Variants in FARP2 observed in about 807,000 individuals in gnomAD.
FARP2 encodes FERM, ARH/RhoGEF and pleckstrin domain protein 2, also known as FERM, ARHGEF and pleckstrin domain-containing protein 2.
In FARP2, 111 loss-of-function variants were observed where a neutral mutation model predicts 130.5. The ratio of observed to expected loss-of-function variants is 0.85; its 90% CI spans 0.73 to 1.00. The LOEUF (loss-of-function observed/expected upper bound fraction) is 1.00, where lower values mean the gene tolerates loss of function less well. Ranked by LOEUF, FARP2 falls within the 50% of genes least tolerant of loss-of-function variation. The pLI is 0.00. For synonymous variants in FARP2, 504 were observed against 516.9 expected (o/e 0.98, Z 0.34); for missense variants, 1,385 against 1,346.3 (o/e 1.03, Z -0.45).
chr2:241,493,809 C>A, intron 26 of FARP2, 199 bp from the exon 27 acceptor site: 1 of 510,162 alleles, frequency 2.0e-6, no homozygotes, highest in Non-Finnish European at 3.5e-6. Flanking sequence ...GTTGGCCAGG[C>A]TGGTCTCGAA....
At chr2:241,376,134 C>T (rs2061531034) in intron 2 of FARP2, among the ~76,000 whole-genome samples, 1 of 152,148 alleles carries the variant, frequency 6.6e-6, no homozygotes, top group South Asian at 2.1e-4. Context: ...GCCTTACCCA[C>T]ACATTTGGCA....
rs182823798 is a variant in FARP2 at position 241,421,203 on chromosome 2, A to G, written c.771+3094A>G. On this transcript the variant is annotated intron_variant, in intron 8 of 26. Coordinates refer to ENST00000264042, the MANE Select transcript of FARP2 (RefSeq NM_014808.4). ...GGAGATCTCCTCATGAGCCCATGCC[A>G]CTAGGACCTTGGGTCCAATACACAG... is the stretch of plus-strand genomic sequence containing the variant. Among the ~76,000 whole-genome samples the G allele has an allele frequency of 3.2e-3, 490 of 152,304 alleles. 1 individual carries two copies. Among genetic ancestry groups the G allele is most frequent in the Middle Eastern group, 0.031 (9 of 294 alleles).
chr2:241,382,695 A>C (rs1177620176), intron 2 of FARP2, among the ~76,000 whole-genome samples: 1 of 152,204 alleles, frequency 6.6e-6, no homozygotes, highest in African/African-American at 2.4e-5. Flanking sequence ...ACATGTTGTG[A>C]AATTGTATTC....
At position 241,375,242 on chromosome 2, in the gene FARP2, C is replaced by T. The variant is rs184034182; in HGVS notation, c.183+1952C>T. ...CTGGAATTACAGGTGTGAGCCACCG[C>T]GCCCAGCCCCAAATCTTTTCAATCA... On this transcript the variant is annotated intron_variant, in intron 2 of 26. Transcript: ENST00000264042. 8.2e-4 allele frequency among the ~76,000 whole-genome samples: 125 copies of T among 152,114 alleles called. 1 individual carries two copies. The highest frequency in any genetic ancestry group is 2.8e-3 in the African/African-American group (115 of 41,490).
chr2:241,489,901 C>A, intron 21 of FARP2, 61 bp from the exon 22 acceptor site: 1 of 1,176,682 alleles, frequency 8.5e-7, no homozygotes, highest in South Asian at 1.2e-5. Flanking sequence ...GTGTCCTGCT[C>A]AGGCTTAGGC....
At chr2:241,436,253 G>A (rs545514192) in intron 11 of FARP2, among the ~76,000 whole-genome samples, 39 of 152,214 alleles carry the variant, frequency 2.6e-4, no homozygotes, top group Admixed American at 7.2e-4. Context: ...TTCTCCGCAC[G>A]TGGAATTTTT....
At chr2:241,462,816 A>C (rs927634432) in intron 15 of FARP2, among the ~76,000 whole-genome samples, 1 of 151,562 alleles carries the variant, frequency 6.6e-6, no homozygotes, top group African/African-American at 2.4e-5. Context: ...CAGCCTCCCT[A>C]GTAGCTAGGA....
chr2:241,411,021 A>G lies in FARP2; in HGVS notation c.411-12A>G, dbSNP rs1360194090. The G allele has an allele frequency of 6.4e-7, 1 of 1,561,252 alleles. No individual in the cohort carries two copies. The highest frequency in any genetic ancestry group is 8.8e-7 in the Non-Finnish European group (1 of 1,136,700). ...GGAATTGATCTCTGTCTTATTTTGA[A>G]CTCTCTTCTAGATACTTGTTTGCCT... On this transcript the variant is annotated splice_polypyrimidine_tract_variant and intron_variant, in intron 5 of 26. Transcript: ENST00000264042.
intron 5 of FARP2, 30 bp downstream of exon 5, chr2:241,407,645 T>A (rs1167267201): frequency 1.3e-6 from 2 of 1,541,402 alleles, no homozygotes; most frequent in Non-Finnish European, 1.8e-6. Flanking sequence ...GAAGCTGTTG[T>A]CAGCAGGAAT....
chr2:241,399,162 CTTG>C (rs2062099932), intron 2 of FARP2, among the ~76,000 whole-genome samples: 1 of 152,088 alleles, frequency 6.6e-6, no homozygotes, highest in Non-Finnish European at 1.5e-5. Context: ...TCCAACTTTT[CTTG>C]TTGTTTATTG....
Position 241,441,510 on chromosome 2 carries a change from A to G in FARP2, c.1365A>G (p.Thr455=), listed in dbSNP as rs530177823. 8 of 1,613,918 alleles carry G rather than the reference A, an allele frequency of 5.0e-6. No homozygotes were observed. In the African/African-American group the frequency reaches 1.1e-4, roughly 22 times the overall value. Residue 455 remains threonine, a synonymous_variant, in exon 13 of 27, where the codon ACA becomes ACG. Transcript: ENST00000264042. ...GAGCAGTGGCTGGAGGCCCCGACAC[A>G]CCATCGGCCCAGCCCCTCGGGCCCC... ...RSGAVAGGPD[T]PSAQPLGPPA...
chr2:241,489,152 G>A (rs1298910062), intron 21 of FARP2: 1 of 152,202 alleles, frequency 6.6e-6, no homozygotes, highest in African/African-American at 2.4e-5. Flanking sequence ...TCCAGTGAGA[G>A]GCTTGGTTGG....
chr2:241,462,984 G>A (rs571834840), intron 15 of FARP2, among the ~76,000 whole-genome samples: 3 of 152,218 alleles, frequency 2.0e-5, no homozygotes, highest in South Asian at 2.1e-4. Context: ...ATGAGCCACC[G>A]CCCAGCCAAG....
At chr2:241,409,034 TAGATGATA>T (rs2150358551) in intron 5 of FARP2, among the ~76,000 whole-genome samples, 1 of 128,704 alleles carries the variant, frequency 7.8e-6, no homozygotes, top group African/African-American at 3.0e-5. Flanking sequence ...GATAGATAGA[TAGATGATA>T]GATAGATAGA....
intron 1 of FARP2, among the ~76,000 whole-genome samples, chr2:241,359,693 G>C (rs1279812408): frequency 6.6e-6 from 1 of 152,168 alleles, no homozygotes; most frequent in Non-Finnish European, 1.5e-5. Context: ...GGTAGTACTG[G>C]TTACTTTCTC....
intron 12 of FARP2, among the ~76,000 whole-genome samples, chr2:241,438,963 C>T (rs1169927938): frequency 6.6e-6 from 1 of 151,836 alleles, no homozygotes; most frequent in Non-Finnish European, 1.5e-5. Flanking sequence ...TTAGAAATTT[C>T]TTGTTAATTC....
intron 1 of FARP2, among the ~76,000 whole-genome samples, chr2:241,371,575 T>C (rs2061425804): frequency 6.6e-6 from 1 of 152,158 alleles, no homozygotes; most frequent in African/African-American, 2.4e-5. Flanking sequence ...AGCAATTAAG[T>C]TGTCGTGCAA....
At chr2:241,451,645 G>C (rs1260721850) in intron 13 of FARP2, among the ~76,000 whole-genome samples, 1 of 152,188 alleles carries the variant, frequency 6.6e-6, no homozygotes, top group East Asian at 1.9e-4. Flanking sequence ...CTCGGATTTA[G>C]AGTTTATTTT....
chr2:241,475,247 T>C lies in FARP2; in HGVS notation c.2132-610T>C, dbSNP rs75162404. Among the ~76,000 whole-genome samples, 3,987 of 152,312 alleles carry C rather than the reference T, an allele frequency of 0.026. 402 individuals are homozygous for C. The highest frequency in any genetic ancestry group is 0.18 in the Admixed American group (2,755 of 15,304). Reference sequence around the variant, plus strand: ...AATATGGGCTGGCCAACAGTTTGGGTTGAACAACCTGAAGGCCTCAGGGGT... The same window carrying C: ...AATATGGGCTGGCCAACAGTTTGGGCTGAACAACCTGAAGGCCTCAGGGGT... On this transcript the variant is annotated intron_variant, in intron 18 of 26. Coordinates refer to ENST00000264042, the MANE Select transcript of FARP2 (RefSeq NM_014808.4). The surrounding 1 kb of genome is among the most constrained non-coding windows in gnomAD (Gnocchi z 4.4).
Sources: gnomAD v4.1 joint callset for allele counts (sites outside exome capture counted in the v4.1 genomes callset) on GRCh38, gnomAD v4.1.1 for gene constraint, Gnocchi (gnomAD v3.1) non-coding constraint, MANE v1.5 for transcripts, NCBI Gene and HGNC (gene_info 2026-07-23, HGNC 2026-07-21) for gene names.